Variants in GASK1A observed in about 807,000 individuals in gnomAD.
GASK1A encodes the protein Golgi-associated kinase 1A.
Under a neutral mutation model 41.2 loss-of-function variants are expected in GASK1A, and 40 were observed. The ratio of observed to expected loss-of-function variants is 0.97; its 90% CI spans 0.75 to 1.27. GASK1A has a LOEUF of 1.27. Among genes scored for constraint, GASK1A ranks in the 50% most tolerant of loss-of-function variants. GASK1A has a pLI of 0.00. For synonymous variants in GASK1A, 316 were observed against 307.1 expected (o/e 1.03, Z -0.30); for missense variants, 678 against 745.1 (o/e 0.91, Z 1.05).
intron 1 of GASK1A, among the ~76,000 whole-genome samples, chr3:43,016,416 A>G (rs1293175609): frequency 6.6e-6 from 1 of 151,780 alleles, no homozygotes; most frequent in East Asian, 2.0e-4. Context: ...GTGTGAAGCC[A>G]CAGGAAGGAG....
intron 1 of GASK1A, among the ~76,000 whole-genome samples, chr3:43,025,805 A>G (rs2089544472): frequency 6.6e-6 from 1 of 152,200 alleles, no homozygotes; most frequent in Admixed American, 6.5e-5. Flanking sequence ...AAAAAGTACC[A>G]TTGAGGACTG....
At chr3:43,017,108 AG>A (rs1387568556) in intron 1 of GASK1A, among the ~76,000 whole-genome samples, 1 of 151,668 alleles carries the variant, frequency 6.6e-6, no homozygotes, top group Non-Finnish European at 1.5e-5. Flanking sequence ...GGTCTCAGGA[AG>A]GGGCAGTGTG....
chr3:43,033,875 T>A (rs920165752), intron 2 of GASK1A, among the ~76,000 whole-genome samples: 1 of 152,244 alleles, frequency 6.6e-6, no homozygotes, highest in African/African-American at 2.4e-5. Context: ...CTACTCAGAA[T>A]GCATTATTTC....
intron 1 of GASK1A, among the ~76,000 whole-genome samples, chr3:43,022,464 G>A (rs2089527074): frequency 6.6e-6 from 1 of 150,996 alleles, no homozygotes; most frequent in Non-Finnish European, 1.5e-5. Context: ...ATACATATTA[G>A]GAATTCAACA....
At chr3:43,047,552 T>C (rs1374029742) in intron 2 of GASK1A, among the ~76,000 whole-genome samples, 1 of 152,210 alleles carries the variant, frequency 6.6e-6, no homozygotes, top group East Asian at 1.9e-4. Context: ...CTGATTGCTG[T>C]TGGTCCACTG....
Position 43,056,246 on chromosome 3 carries a change from A to G in GASK1A, c.1588A>G (p.Met530Val), listed in dbSNP as rs928039486. 4.5e-6 allele frequency: 7 copies of G among 1,551,596 alleles called. No homozygotes were observed. The African/African-American group carries it at 8.2e-5, about 18-fold the overall frequency. ...LQNMLLKSLQ[M>V]DPVFWESQGG... ...GAACATGCTGCTGAAGTCGCTGCAG[A>G]TGGACCCAGTGTTCTGGGAAAGCCA... Residue 530 changes from methionine to valine, a missense_variant, in exon 5 of 5, where the codon ATG (methionine) becomes GTG (valine). Transcript: ENST00000430121.
In GASK1A at chr3:43,016,855, G is replaced by A. The variant is rs1041976504; in HGVS notation, c.4-15412G>A. ...TAGGAAGGGGCTATGTGAAGCCACA[G>A]GAATGGGCAGTGGGAAGTCACAGGA... On this transcript the variant is annotated intron_variant, in intron 1 of 4. Transcript: ENST00000430121. 5.4e-4 allele frequency among the ~76,000 whole-genome samples: 82 copies of A among 151,862 alleles called. 1 individual carries two copies. The highest frequency in any genetic ancestry group is 1.9e-3 in the African/African-American group (79 of 41,322).
intron 1 of GASK1A, among the ~76,000 whole-genome samples, chr3:42,995,367 G>A (rs1009224113): frequency 2.0e-5 from 3 of 152,134 alleles, no homozygotes; most frequent in Admixed American, 1.3e-4. Context: ...CATACTCTAC[G>A]CCAACCATGT....
chr3:43,010,175 T>A (rs1419900799), intron 1 of GASK1A, among the ~76,000 whole-genome samples: 1 of 152,144 alleles, frequency 6.6e-6, no homozygotes, highest in Non-Finnish European at 1.5e-5. Context: ...CTCCCTGTTG[T>A]CTACCAGTCA....
At chr3:43,000,410 A>G (rs1455064595) in intron 1 of GASK1A, among the ~76,000 whole-genome samples, 1 of 152,244 alleles carries the variant, frequency 6.6e-6, no homozygotes, top group Non-Finnish European at 1.5e-5. Context: ...GCAGAAGGAG[A>G]TCGCATAAAC....
At position 42,984,304 on chromosome 3, in the gene GASK1A, C is replaced by G. The variant is rs1021984991; in HGVS notation, c.3+4659C>G. On this transcript the variant is annotated intron_variant, in intron 1 of 4. Transcript: ENST00000430121. This position sits in a 1 kb window ranked among gnomAD's most constrained non-coding sequence, Gnocchi z 4.2. The stretch of plus-strand genomic sequence containing the variant: ...TGTGGATTTCACTTCCTATCTCTCT[C>G]TCTCTCTCTTTCTCTCTCTCTCACA... Among the ~76,000 whole-genome samples, 5 of 151,482 alleles carry G rather than the reference C, an allele frequency of 3.3e-5. No individual in the cohort carries two copies. Among genetic ancestry groups the G allele is most frequent in the African/African-American group, 1.2e-4 (5 of 41,212 alleles).
chr3:42,985,268 G>T (rs1159544524), intron 1 of GASK1A, among the ~76,000 whole-genome samples: 1 of 152,190 alleles, frequency 6.6e-6, no homozygotes, highest in Non-Finnish European at 1.5e-5. Flanking sequence ...GAAGGAACGG[G>T]TGTCTCCATG....
chr3:43,035,301 G>C (rs552515136), intron 2 of GASK1A, among the ~76,000 whole-genome samples: 29 of 152,168 alleles, frequency 1.9e-4, no homozygotes, highest in Non-Finnish European at 3.1e-4. Context: ...GAAGTGCTGG[G>C]GAATGAGTAC....
intron 4 of GASK1A, chr3:43,055,852 T>C: frequency 2.1e-6 from 1 of 468,326 alleles, no homozygotes; most frequent in Non-Finnish European, 3.9e-6. Flanking sequence ...CAGCTCACTC[T>C]TGGCAGGCAG....
In GASK1A at chr3:43,057,598, TTTTTG is replaced by T. The variant is rs1241305197; in HGVS notation, c.*1217_*1221del. Reference sequence around the variant, plus strand: ...TTTGTATTTTCTTTTCTGCATTGTCTTTTTGTTTTAAGATGTTTGCCCTTTGCTTG... The same window carrying T: ...TTTGTATTTTCTTTTCTGCATTGTCTTTTTAAGATGTTTGCCCTTTGCTTG... On this transcript the variant is annotated 3_prime_UTR_variant, in exon 5 of 5. Transcript: ENST00000430121. 6.6e-6 allele frequency: 1 copy of T among 152,228 alleles called. No individual in the cohort carries two copies. Among genetic ancestry groups the T allele is most frequent in the Non-Finnish European group, 1.5e-5 (1 of 68,038 alleles). The allele number at this position is 152,228 out of a possible 1,614,324, so 9.4% of individuals were successfully genotyped here. A position where few individuals can be genotyped will look rare whatever the true frequency, so the allele number is the denominator to read the frequency against.
At chr3:42,990,807 CT>C (rs759740099) in intron 1 of GASK1A, among the ~76,000 whole-genome samples, 3 of 152,166 alleles carry the variant, frequency 2.0e-5, no homozygotes, top group Admixed American at 1.3e-4. Flanking sequence ...AGGTGTCACT[CT>C]TTTTTATTAA....
intron 1 of GASK1A, among the ~76,000 whole-genome samples, chr3:43,028,481 A>G (rs1366158495): frequency 6.6e-6 from 1 of 152,228 alleles, no homozygotes; most frequent in Non-Finnish European, 1.5e-5. Flanking sequence ...CTAAATATGT[A>G]TGGCATATCA....
chr3:43,047,588 T>C (rs1053948883), intron 2 of GASK1A, among the ~76,000 whole-genome samples: 3 of 152,214 alleles, frequency 2.0e-5, no homozygotes, highest in African/African-American at 7.2e-5. Context: ...TTAATTTGGC[T>C]GAAGGGAAGA....
At chr3:43,008,438 G>A (rs1055995183) in intron 1 of GASK1A, among the ~76,000 whole-genome samples, 3 of 152,190 alleles carry the variant, frequency 2.0e-5, no homozygotes, top group East Asian at 1.9e-4. Flanking sequence ...CTATGCCCAC[G>A]GTTGTCAGGA....
Sources: gnomAD v4.1 joint callset for allele counts (sites outside exome capture counted in the v4.1 genomes callset) on GRCh38, gnomAD v4.1.1 for gene constraint, Gnocchi (gnomAD v3.1) non-coding constraint, MANE v1.5 for transcripts, NCBI Gene and HGNC (gene_info 2026-07-23, HGNC 2026-07-21) for gene names.